Variants in CPLANE1 observed in about 807,000 individuals in gnomAD.
CPLANE1 encodes ciliogenesis and planar polarity effector complex subunit 1.
A neutral mutation model predicts 362.5 loss-of-function variants in CPLANE1; 263 were observed. The ratio of observed to expected loss-of-function variants is 0.73; its 90% CI spans 0.66 to 0.80. The LOEUF is 0.80. Ranked by LOEUF, CPLANE1 falls within the 30% of genes least tolerant of loss-of-function variation. The pLI is 0.00. For synonymous variants in CPLANE1, 1,212 were observed against 1,302.6 expected (o/e 0.93, Z 1.50); for missense variants, 3,461 against 3,793.4 (o/e 0.91, Z 2.30).
downstream of CPLANE1, among the ~76,000 whole-genome samples, chr5:37,102,745 T>C (rs1757354354): frequency 2.6e-5 from 4 of 152,260 alleles, no homozygotes; most frequent in Admixed American, 6.5e-5. Context: ...TCTTGAGTTC[T>C]AACTTGATTG....
Position 37,190,619 on chromosome 5 carries a change from T to C in CPLANE1, c.3812-2777A>G, listed in dbSNP as rs1409319780. Among the ~76,000 whole-genome samples the C allele has an allele frequency of 3.3e-5, 5 of 152,106 alleles. No individual in the cohort carries two copies. The South Asian group carries it at 8.3e-4, about 25-fold the overall frequency. On this transcript the variant is annotated intron_variant, in intron 21 of 52. Transcript: ENST00000651892. ...TGGATAGATTTTTTTAAAAAAACTA[T>C]AGAAAAGACATATTTGAAATTATCA...
chr5:37,242,526 G>A (rs1800781860), intron 6 of CPLANE1, among the ~76,000 whole-genome samples: 1 of 152,090 alleles, frequency 6.6e-6, no homozygotes, highest in Non-Finnish European at 1.5e-5. Flanking sequence ...TCTTAGACAA[G>A]TAAAACCATA....
At chr5:37,076,680 A>C in the CPLANE1 span, among the ~76,000 whole-genome samples, 1 of 152,020 alleles carries the variant, frequency 6.6e-6, no homozygotes, top group African/African-American at 2.4e-5. Flanking sequence ...TAATAACCTT[A>C]TAGAAATGTG....
intron 42 of CPLANE1, among the ~76,000 whole-genome samples, chr5:37,151,452 G>T (rs773400238): frequency 6.6e-6 from 1 of 152,110 alleles, no homozygotes; most frequent in African/African-American, 2.4e-5. Context: ...TACACTCCTT[G>T]AGAGTAGGTA....
At chr5:37,171,790 A>AT (rs1028272046) in intron 32 of CPLANE1, among the ~76,000 whole-genome samples, 3 of 125,378 alleles carry the variant, frequency 2.4e-5, no homozygotes, top group African/African-American at 9.0e-5. Context: ...CTCTCTATCT[A>AT]TCTATTCTAT....
chr5:37,210,860 G>A, intron 16 of CPLANE1: 1 of 822,056 alleles, frequency 1.2e-6, no homozygotes, highest in Middle Eastern at 2.3e-4. Flanking sequence ...AGCATGAGGA[G>A]TTCGAAAGCC....
chr5:37,103,475 A>G (rs1757395771), downstream of CPLANE1, among the ~76,000 whole-genome samples: 1 of 152,176 alleles, frequency 6.6e-6, no homozygotes, highest in Non-Finnish European at 1.5e-5. Context: ...TGGTCTGTAT[A>G]CTTCGGTGTG....
At chr5:37,196,022 G>A (rs759018611) in intron 20 of CPLANE1, 26 bp from the exon 21 acceptor site, 12 of 1,572,478 alleles carry the variant, frequency 7.6e-6, no homozygotes, top group Non-Finnish European at 8.6e-6. Context: ...AACCGAACAT[G>A]TTAATTATCA....
intron 16 of CPLANE1, chr5:37,211,975 A>G: frequency 1.1e-6 from 1 of 876,010 alleles, no homozygotes; most frequent in Non-Finnish European, 1.9e-6. Flanking sequence ...AGTGTAGATC[A>G]GAAACAAATT....
intron 35 of CPLANE1, among the ~76,000 whole-genome samples, 176 bp downstream of exon 35, chr5:37,166,871 G>T (rs768667918): frequency 6.6e-6 from 1 of 152,058 alleles, no homozygotes; most frequent in Non-Finnish European, 1.5e-5. Flanking sequence ...TATTTGTCTC[G>T]CAAAATAGGA....
downstream of CPLANE1, among the ~76,000 whole-genome samples, chr5:37,104,668 G>A (rs533184091): frequency 4.6e-4 from 69 of 151,546 alleles, no homozygotes; most frequent in African/African-American, 1.4e-3. Flanking sequence ...CACTTTGGGA[G>A]GCCCAGGCAG....
chr5:37,130,299 T>C (rs534411365), intron 46 of CPLANE1: 12 of 153,166 alleles, frequency 7.8e-5, no homozygotes, highest in African/African-American at 2.6e-4. Context: ...CTGTTCAGGT[T>C]GATGGGTGCA....
chr5:37,141,638 T>A (rs1439562828), intron 44 of CPLANE1: 3 of 976,986 alleles, frequency 3.1e-6, no homozygotes, highest in Non-Finnish European at 3.6e-6. Flanking sequence ...TACTAAACAC[T>A]CAGTAAAATC....
intron 44 of CPLANE1, chr5:37,140,563 C>T: frequency 1.0e-6 from 1 of 985,296 alleles, no homozygotes; most frequent in Non-Finnish European, 1.2e-6. Flanking sequence ...AAGAGAAGGT[C>T]CATTAAAGAG....
At chr5:37,097,592 AG>A in the CPLANE1 span, among the ~76,000 whole-genome samples, 1 of 152,244 alleles carries the variant, frequency 6.6e-6, no homozygotes, top group Non-Finnish European at 1.5e-5. Context: ...CAAAAGTTAA[AG>A]GCAGAGAGAA....
chr5:37,108,375 CTT>C lies in CPLANE1; in HGVS notation c.9495_9496del (p.Glu3167GlyfsTer15). On this transcript the variant is annotated frameshift_variant, in exon 52 of 53. Coordinates refer to ENST00000651892, the MANE Select transcript of CPLANE1 (RefSeq NM_001384732.1). LOFTEE classifies it high-confidence loss of function. ...CCAGGGACTCACCACAGTCTCCTCT[CTT>C]TCATACTCTACACACACCTGCTTGG... 4 of 1,614,210 alleles carry C rather than the reference CTT, an allele frequency of 2.5e-6. No individual in the cohort carries two copies. Among genetic ancestry groups the C allele is most frequent in the Non-Finnish European group, 3.4e-6 (4 of 1,180,016 alleles).
At chr5:37,173,654 AT>A (rs1211893699) in intron 32 of CPLANE1, 100 bp downstream of exon 32, 5 of 984,734 alleles carry the variant, frequency 5.1e-6, no homozygotes, top group Non-Finnish European at 7.5e-6. Context: ...AATGCTTGTG[AT>A]ATAATTTTAC....
the CPLANE1 span, among the ~76,000 whole-genome samples, chr5:37,076,298 G>A: frequency 1.3e-5 from 2 of 151,498 alleles, no homozygotes; most frequent in South Asian, 2.1e-4. Context: ...GGGCTGGGGG[G>A]AGCAACTGAT....
chr5:37,190,671 CAT>C (rs1447404028), intron 21 of CPLANE1, among the ~76,000 whole-genome samples: 2 of 152,050 alleles, frequency 1.3e-5, no homozygotes, highest in Non-Finnish European at 2.9e-5. Context: ...GGATAGATAA[CAT>C]AGTCAGATGC....
Sources: gnomAD v4.1 joint callset for allele counts (sites outside exome capture counted in the v4.1 genomes callset) on GRCh38, gnomAD v4.1.1 for gene constraint, MANE v1.5 for transcripts, NCBI Gene and HGNC (gene_info 2026-07-23, HGNC 2026-07-21) for gene names.